Variants in CCDC73 observed in about 807,000 individuals in gnomAD.
The protein encoded by CCDC73 is coiled-coil domain containing 73.
Under a neutral mutation model 116.5 loss-of-function variants are expected in CCDC73, and 95 were observed. The observed-to-expected ratio is 0.82, with a 90% CI of 0.69 to 0.97. The LOEUF is 0.97. Among genes scored for constraint, CCDC73 ranks in the 50% least tolerant of loss-of-function variants. The pLI is 0.00. For synonymous variants in CCDC73, 398 were observed against 401.3 expected (o/e 0.99, Z 0.10); for missense variants, 1,066 against 1,206.8 (o/e 0.88, Z 1.73).
chr11:32,642,085 G>C lies in CCDC73; in HGVS notation c.940-3C>G. 6.6e-7 allele frequency: 1 copy of C among 1,518,788 alleles called. No individual in the cohort carries two copies. Among genetic ancestry groups the C allele is most frequent in the Non-Finnish European group, 8.8e-7 (1 of 1,136,176 alleles). The allele number at this position is 1,518,788 out of a possible 1,614,324, so 94.1% of individuals were successfully genotyped here. A position where few individuals can be genotyped will look rare whatever the true frequency, so the allele number is the denominator to read the frequency against. On this transcript the variant is annotated splice_region_variant and splice_polypyrimidine_tract_variant and intron_variant, in intron 12 of 17. Coordinates refer to ENST00000335185, the MANE Select transcript of CCDC73 (RefSeq NM_001008391.4). ...AGCTCATTATCTCTTTCAAGGGTCT[G>C]CAATAAAATTAATTATCCAAAAAAT...
At chr11:32,631,687 A>AAAAGGAAGT (rs1328136133) in intron 14 of CCDC73, among the ~76,000 whole-genome samples, 3 of 151,902 alleles carry the variant, frequency 2.0e-5, no homozygotes, top group Non-Finnish European at 4.4e-5. Flanking sequence ...GAAAAGGAAG[A>AAAAGGAAGT]AAGGAAGCAG....
intron 6 of CCDC73, among the ~76,000 whole-genome samples, chr11:32,692,120 TAGG>T (rs1856265880): frequency 6.6e-6 from 1 of 151,592 alleles, no homozygotes; most frequent in African/African-American, 2.4e-5. Flanking sequence ...CGTTTTCTTC[TAGG>T]AGTTTTTTAG....
At chr11:32,639,301 C>CTA (rs1037872452) in intron 13 of CCDC73, among the ~76,000 whole-genome samples, 1 of 152,132 alleles carries the variant, frequency 6.6e-6, no homozygotes, top group African/African-American at 2.4e-5. Context: ...GTACCTTGCA[C>CTA]TATTGTGATT....
At chr11:32,773,167 T>G (rs1369940425) in intron 1 of CCDC73, among the ~76,000 whole-genome samples, 2 of 152,048 alleles carry the variant, frequency 1.3e-5, no homozygotes, top group Admixed American at 6.6e-5. Context: ...AAGAAGTCAA[T>G]CACAAAAGGC....
intron 2 of CCDC73, among the ~76,000 whole-genome samples, chr11:32,755,290 C>G (rs1304677481): frequency 2.1e-5 from 3 of 144,084 alleles, no homozygotes; most frequent in Non-Finnish European, 4.5e-5. Context: ...AATCCCAGCA[C>G]TTTGGGAGGC....
chr11:32,699,503 G>A (rs1312811767), intron 5 of CCDC73, among the ~76,000 whole-genome samples, 178 bp from the exon 6 acceptor site: 1 of 152,128 alleles, frequency 6.6e-6, no homozygotes. Context: ...ATGATAGACT[G>A]GATTAAGAAA....
At chr11:32,710,626 G>A (rs1849890930) in intron 3 of CCDC73, among the ~76,000 whole-genome samples, 1 of 152,132 alleles carries the variant, frequency 6.6e-6, no homozygotes, top group Non-Finnish European at 1.5e-5. Context: ...CCTGGAGAAT[G>A]TTCCATGTAC....
At chr11:32,797,620 A>G (rs540426661), upstream of CCDC73, among the ~76,000 whole-genome samples, 4 of 152,306 alleles carry the variant, frequency 2.6e-5, no homozygotes, top group Non-Finnish European at 5.9e-5. Context: ...AGGCCCTTGC[A>G]ATTGTCTGTA....
chr11:32,713,908 C>T (rs966457275), intron 3 of CCDC73, among the ~76,000 whole-genome samples: 7 of 152,150 alleles, frequency 4.6e-5, no homozygotes, highest in Non-Finnish European at 1.0e-4. Context: ...TAAACACTTT[C>T]AAATGGATTT....
the CCDC73 span, among the ~76,000 whole-genome samples, chr11:32,802,858 T>C: frequency 6.6e-6 from 1 of 151,762 alleles, no homozygotes; most frequent in African/African-American, 2.4e-5. Flanking sequence ...GTTCAAGCAA[T>C]TCTCATGCCT....
the CCDC73 span, among the ~76,000 whole-genome samples, chr11:32,808,500 G>A: frequency 1.3e-4 from 20 of 152,256 alleles, no homozygotes; most frequent in South Asian, 6.2e-4. Flanking sequence ...TTAGCCAGGC[G>A]TGGTGGCATG....
At chr11:32,816,351 G>A in the CCDC73 span, among the ~76,000 whole-genome samples, 1 of 152,158 alleles carries the variant, frequency 6.6e-6, no homozygotes, top group African/African-American at 2.4e-5. Flanking sequence ...GTAGTAACAA[G>A]TTGTACCAAA....
intron 2 of CCDC73, 43 bp downstream of exon 2, chr11:32,760,066 C>G: frequency 6.7e-7 from 1 of 1,483,342 alleles, no homozygotes; most frequent in South Asian, 1.2e-5. Context: ...TGAACAAAAT[C>G]AAGTTTTCTT....
chr11:32,755,536 A>AATATAT (rs375204188), intron 2 of CCDC73, among the ~76,000 whole-genome samples: 1,052 of 59,904 alleles, frequency 0.018, 57 homozygotes, highest in East Asian at 0.029. Flanking sequence ...TCCATCTCAA[A>AATATAT]ATATATATAT....
intron 6 of CCDC73, among the ~76,000 whole-genome samples, chr11:32,686,943 T>C (rs1258823080): frequency 6.6e-6 from 1 of 152,252 alleles, no homozygotes; most frequent in African/African-American, 2.4e-5. Flanking sequence ...ATGCATTAAC[T>C]ATAGAAGGCA....
At chr11:32,749,427 C>A (rs1850267492) in intron 2 of CCDC73, among the ~76,000 whole-genome samples, 1 of 151,964 alleles carries the variant, frequency 6.6e-6, no homozygotes, top group South Asian at 2.1e-4. Flanking sequence ...CTAAATTCTT[C>A]TGTGTTATCC....
At chr11:32,761,565 C>G (rs952784940) in intron 1 of CCDC73, among the ~76,000 whole-genome samples, 1 of 152,094 alleles carries the variant, frequency 6.6e-6, no homozygotes, top group Non-Finnish European at 1.5e-5. Flanking sequence ...TGGCAATGTA[C>G]AAGTAATACA....
rs1344200356 is a variant in CCDC73, at chr11:32,614,046, T to G, written c.2272A>C (p.Ser758Arg). Residue 758 changes from serine (S) to arginine (R), a missense_variant, in exon 16 of 18, where the codon AGT (serine) becomes CGT (arginine). By Grantham distance (110) the Ser-to-Arg change is moderately radical (BLOSUM62 -1). Coordinates refer to ENST00000335185, the MANE Select transcript of CCDC73 (RefSeq NM_001008391.4). Reference sequence around the variant, plus strand: ...TATCCCAAACAGTTATTAAATTGACTGTTTTGCATATCACTCATATTTTTA... The same window carrying G: ...TATCCCAAACAGTTATTAAATTGACGGTTTTGCATATCACTCATATTTTTA... ...MCKNMSDMQN[S>R]QFNNCLGYLE... is the part of the protein sequence containing the mutation. 1 of 1,612,762 alleles carries G rather than the reference T, an allele frequency of 6.2e-7. No homozygotes were observed. Among genetic ancestry groups the G allele is most frequent in the Non-Finnish European group, 8.5e-7 (1 of 1,179,916 alleles).
the CCDC73 span, among the ~76,000 whole-genome samples, chr11:32,805,808 G>C: frequency 6.6e-6 from 1 of 152,058 alleles, no homozygotes; most frequent in Non-Finnish European, 1.5e-5. Flanking sequence ...CTCCTGACTA[G>C]CCCTCTGAGC....
Sources: allele counts gnomAD v4.1 joint callset (sites outside exome capture counted in the v4.1 genomes callset), GRCh38; gene constraint gnomAD v4.1.1; transcripts MANE v1.5; gene names NCBI Gene and HGNC (gene_info 2026-07-23, HGNC 2026-07-21).